ZIM3: variants seen among roughly 807,000 people sequenced by gnomAD.
The protein encoded by ZIM3 is zinc finger imprinted 3.
A neutral mutation model predicts 12.9 loss-of-function variants in ZIM3; 11 were observed. The observed-to-expected ratio is 0.85, with a 90% CI of 0.54 to 1.41. ZIM3 has a LOEUF of 1.41. ZIM3 is among the 40% of genes most tolerant of loss of function. The pLI is 0.00. For missense variants in ZIM3, 604 were observed against 557.2 expected (o/e 1.08, Z -0.85); for synonymous variants, 205 against 198.5 (o/e 1.03, Z -0.28).
At chr19:57,141,270 G>A (rs758277410) in intron 2 of ZIM3, among the ~76,000 whole-genome samples, 1 of 151,918 alleles carries the variant, frequency 6.6e-6, no homozygotes, top group African/African-American at 2.4e-5. Flanking sequence ...GCGTGGTGGC[G>A]TGCGCCTGTA....
Position 57,134,988 on chromosome 19 carries a change from G to A in ZIM3, c.1349C>T (p.Ser450Phe). 6.2e-7 allele frequency: 1 copy of A among 1,614,126 alleles called. No homozygotes were observed. The highest frequency in any genetic ancestry group is 8.5e-7 in the Non-Finnish European group (1 of 1,180,032). The change falls in exon 5 of 5, where the codon TCT (serine) becomes TTT (phenylalanine). Residue 450 changes from serine to phenylalanine, a missense_variant. By Grantham distance (155) the Ser-to-Phe change is radical (BLOSUM62 -2). Coordinates refer to ENST00000269834, the MANE Select transcript of ZIM3 (RefSeq NM_052882.1). ...GTCAGCGAAGGCTTTACCGCATTCA[G>A]AACATCCATAAGGTTTTTGTCCAGT... The part of the protein sequence containing the change: ...THTGQKPYGC[S>F]ECGKAFADRS...
At chr19:57,139,284 C>T (rs899281060) in intron 2 of ZIM3, among the ~76,000 whole-genome samples, 21 of 150,586 alleles carry the variant, frequency 1.4e-4, no homozygotes, top group East Asian at 2.0e-4. Context: ...GCCAAGATTG[C>T]GCCACTGCAC....
chr19:57,143,906 T>A (rs2122672817), intron 1 of ZIM3, among the ~76,000 whole-genome samples: 1 of 151,972 alleles, frequency 6.6e-6, no homozygotes, highest in African/African-American at 2.4e-5. Context: ...GAGCTGCTGA[T>A]CTCAAGTGAT....
At chr19:57,143,586 G>A (rs560485566) in intron 1 of ZIM3, among the ~76,000 whole-genome samples, 154 of 152,040 alleles carry the variant, frequency 1.0e-3, no homozygotes, top group African/African-American at 3.5e-3. Flanking sequence ...TGCCAAAAGC[G>A]TAGATTTTGG....
In ZIM3 at chr19:57,138,604, A is replaced by G. The variant is rs756549625; in HGVS notation, c.16-6T>C. 1.5e-5 allele frequency: 24 copies of G among 1,613,980 alleles called. No homozygotes were observed. In the South Asian group the frequency reaches 2.6e-4, roughly 18 times the overall value. On this transcript the variant is annotated splice_region_variant and splice_polypyrimidine_tract_variant and intron_variant, in intron 2 of 4. Coordinates refer to ENST00000269834, the MANE Select transcript of ZIM3 (RefSeq NM_052882.1). ...TCCTCGAAGGTCACTCTTCCCTGTAACAACAGATTCCCGATCAGTATAAAA... is the reference window on the plus strand; with the variant it reads ...TCCTCGAAGGTCACTCTTCCCTGTAGCAACAGATTCCCGATCAGTATAAAA...
At chr19:57,137,010 T>A (rs1599921967) in intron 3 of ZIM3, 39 bp from the exon 4 acceptor site, 2 of 1,602,156 alleles carry the variant, frequency 1.2e-6, no homozygotes, top group Non-Finnish European at 1.7e-6. Context: ...TGTTTGTGGA[T>A]GTGTGAGTTG....
intron 2 of ZIM3, among the ~76,000 whole-genome samples, chr19:57,141,063 G>C (rs1001632236): frequency 1.3e-5 from 2 of 152,052 alleles, no homozygotes; most frequent in African/African-American, 4.8e-5. Context: ...TACATCTCAG[G>C]GCTTAGCAGT....
At chr19:57,136,229 T>A in intron 4 of ZIM3, 134 bp from the exon 5 acceptor site, 1 of 775,962 alleles carries the variant, frequency 1.3e-6, no homozygotes. Flanking sequence ...AAAGTTAATA[T>A]AAGCTCTGTT....
chr19:57,135,665 T>C lies in ZIM3; in HGVS notation c.672A>G (p.Lys224=). The change falls in exon 5 of 5, where the codon AAA becomes AAG. Residue 224 remains lysine, a synonymous_variant. Coordinates refer to ENST00000269834, the MANE Select transcript of ZIM3 (RefSeq NM_052882.1). The stretch of plus-strand genomic sequence containing the variant: ...TGTAGGCATTTCCACAGTTCTCACA[T>C]TTATAGGGCCTTTCCTCTGCGTGAG... ...QKTHAEERPY[K]CENCGNAYKQ... is the part of the protein sequence containing the mutation. 1 of 1,612,912 alleles carries C rather than the reference T, an allele frequency of 6.2e-7. No homozygotes were observed. The highest frequency in any genetic ancestry group is 8.5e-7 in the Non-Finnish European group (1 of 1,179,194).
intron 3 of ZIM3, among the ~76,000 whole-genome samples, chr19:57,137,856 AAG>A (rs2086893778): frequency 4.2e-5 from 2 of 48,058 alleles, no homozygotes; most frequent in Admixed American, 2.3e-4. Context: ...GGAAGGAAGG[AAG>A]GAAGGAAGGA....
chr19:57,137,982 AGAAGGAAGGAAG>A (rs1168375516), intron 3 of ZIM3, among the ~76,000 whole-genome samples: 2 of 39,670 alleles, frequency 5.0e-5, no homozygotes, highest in African/African-American at 1.4e-4. Context: ...AAGGAAGGAA[AGAAGGAAGGAAG>A]GAAGGAAAGA....
intron 2 of ZIM3, among the ~76,000 whole-genome samples, chr19:57,139,219 T>C (rs547648710): frequency 2.6e-5 from 4 of 151,410 alleles, no homozygotes; most frequent in Non-Finnish European, 5.9e-5. Context: ...TCCCAGCTAC[T>C]CAGGAGGCTG....
chr19:57,138,823 C>A (rs1490840893), intron 2 of ZIM3, among the ~76,000 whole-genome samples: 1 of 152,208 alleles, frequency 6.6e-6, no homozygotes, highest in Non-Finnish European at 1.5e-5. Flanking sequence ...AATTTTACTT[C>A]CTGAATCTCA....
Position 57,135,352 on chromosome 19 carries a change from G to T in ZIM3, c.985C>A (p.His329Asn). 5 of 1,613,978 alleles carry T rather than the reference G, an allele frequency of 3.1e-6. No individual in the cohort carries two copies. The South Asian group carries it at 5.5e-5, about 18-fold the overall frequency. The change falls in exon 5 of 5, where the codon CAC (histidine) becomes AAC (asparagine). Residue 329 changes from histidine to asparagine, a missense_variant. Transcript: ENST00000269834. ...KSDLVKHQRI[H>N]TGEKPYKCSI... Reference sequence around the variant, plus strand: ...CATTTATAGGGTTTCTCTCCCGTGTGTATTCTCTGGTGTTTCACAAGATCT... The same window carrying T: ...CATTTATAGGGTTTCTCTCCCGTGTTTATTCTCTGGTGTTTCACAAGATCT...
In ZIM3 at chr19:57,134,822, A is replaced by G; in HGVS notation, c.*96T>C. 1 of 1,318,518 alleles carries G rather than the reference A, an allele frequency of 7.6e-7. No homozygotes were observed. Among genetic ancestry groups the G allele is most frequent in the Non-Finnish European group, 1.0e-6 (1 of 956,494 alleles). 81.7% of individuals were successfully genotyped at this position (1,318,518 alleles called of 1,614,324 possible). A position where few individuals can be genotyped will look rare whatever the true frequency, so the allele number is the denominator to read the frequency against. ...TAATAAGTCCTCGCTACCTTCAAAA[A>G]TAGCCTCCAAATTAGAGGCCATTTC... On this transcript the variant is annotated 3_prime_UTR_variant, in exon 5 of 5. Transcript: ENST00000269834.
In ZIM3 at chr19:57,135,089, C is replaced by T. The variant is rs751345588; in HGVS notation, c.1248G>A (p.Glu416=). The T allele has an allele frequency of 9.9e-6, 16 of 1,614,066 alleles. No individual in the cohort carries two copies. Among genetic ancestry groups the T allele is most frequent in the Non-Finnish European group, 1.4e-5 (16 of 1,180,026 alleles). The change falls in exon 5 of 5, where the codon GAG becomes GAA. Residue 416 remains glutamate, a synonymous_variant. Coordinates refer to ENST00000269834, the MANE Select transcript of ZIM3 (RefSeq NM_052882.1). ...CACATTCACTACATCTATAGGTCCT[C>T]TCTCCGCTATGAGTTTTCTGATGGC... The part of the protein sequence containing the change: ...LHSHQKTHSG[E]RTYRCSECGK...
intron 2 of ZIM3, among the ~76,000 whole-genome samples, chr19:57,139,471 A>G (rs2086904275): frequency 6.6e-6 from 1 of 152,142 alleles, no homozygotes; most frequent in African/African-American, 2.4e-5. Flanking sequence ...CACACCTATA[A>G]TCCCAGCACT....
chr19:57,143,501 G>A (rs918214919), intron 1 of ZIM3, among the ~76,000 whole-genome samples: 7 of 152,052 alleles, frequency 4.6e-5, no homozygotes, highest in Admixed American at 4.6e-4. Flanking sequence ...GACGAATAAC[G>A]CCGCAGTGAA....
In ZIM3 at chr19:57,134,835, T is replaced by G. The variant is rs1238978876; in HGVS notation, c.*83A>C. The G allele has an allele frequency of 7.1e-6, 10 of 1,415,550 alleles. No homozygotes were observed. In the East Asian group the frequency reaches 2.3e-4, roughly 32 times the overall value. The allele number at this position is 1,415,550 out of a possible 1,614,324, so 87.7% of individuals were successfully genotyped here. On this transcript the variant is annotated 3_prime_UTR_variant, in exon 5 of 5. Transcript: ENST00000269834. ...CTACCTTCAAAAATAGCCTCCAAATTAGAGGCCATTTCAACATGGAATTCT... is the reference window on the plus strand; with the variant it reads ...CTACCTTCAAAAATAGCCTCCAAATGAGAGGCCATTTCAACATGGAATTCT...
Sources: allele counts gnomAD v4.1 joint callset (sites outside exome capture counted in the v4.1 genomes callset), GRCh38; gene constraint gnomAD v4.1.1; transcripts MANE v1.5; gene names NCBI Gene and HGNC (gene_info 2026-07-23, HGNC 2026-07-21).